Variants in PAX5 observed in about 807,000 individuals in gnomAD.
The protein encoded by PAX5 is paired box protein Pax-5.
A neutral mutation model predicts 43.7 loss-of-function variants in PAX5; 9 were observed. That is an observed-to-expected ratio of 0.21 (90% CI 0.12 to 0.36). The LOEUF (loss-of-function observed/expected upper bound fraction) is 0.36. Ranked by LOEUF, PAX5 falls within the 10% of genes least tolerant of loss-of-function variation. The pLI is 1.00. For synonymous variants in PAX5, 228 were observed against 214.3 expected, an observed-to-expected ratio of 1.06 and a Z score of -0.56; for missense variants, 383 against 532.7, an observed-to-expected ratio of 0.72 and a Z score of 2.77.
intron 9 of PAX5, among the ~76,000 whole-genome samples, chr9:36,841,785 G>A (rs568962564): frequency 5.9e-5 from 9 of 152,330 alleles, no homozygotes; most frequent in African/African-American, 1.4e-4. Context: ...CTGGGGGCAG[G>A]GCTGGGCAAT....
At chr9:36,886,678 AT>A (rs78532154) in intron 7 of PAX5, among the ~76,000 whole-genome samples, 23 of 151,296 alleles carry the variant, frequency 1.5e-4, no homozygotes, top group Admixed American at 3.3e-4. Flanking sequence ...CATTTCTTTC[AT>A]TTTTTTTTAA....
intron 5 of PAX5, among the ~76,000 whole-genome samples, chr9:37,000,963 G>A (rs1038542715): frequency 4.6e-5 from 7 of 152,218 alleles, no homozygotes; most frequent in African/African-American, 1.7e-4. Context: ...GTTCCCAGAT[G>A]CTGTATCAGA....
chr9:36,891,906 C>T (rs10738980), intron 7 of PAX5, among the ~76,000 whole-genome samples: 129,980 of 152,140 alleles, frequency 0.85, 56,232 homozygotes, highest in East Asian at 0.93. Flanking sequence ...ACCCTCCTCA[C>T]TCCTTCCTCT....
intron 4 of PAX5, 111 bp downstream of exon 4, chr9:37,006,362 G>C: frequency 1.4e-6 from 1 of 718,368 alleles, no homozygotes; most frequent in Non-Finnish European, 2.4e-6. Flanking sequence ...GCATTAGTAC[G>C]TGTGCTGAAG....
intron 6 of PAX5, among the ~76,000 whole-genome samples, chr9:36,931,326 G>A (rs1420086159): frequency 6.6e-6 from 1 of 152,226 alleles, no homozygotes; most frequent in African/African-American, 2.4e-5. Flanking sequence ...CCACCTGTCT[G>A]AGGACCTTCA....
intron 3 of PAX5, among the ~76,000 whole-genome samples, chr9:37,014,771 G>A (rs1459872490): frequency 7.2e-5 from 11 of 152,170 alleles, no homozygotes; most frequent in African/African-American, 2.4e-4. Context: ...CGGCCAGGGT[G>A]TTGGCATGCT....
intron 6 of PAX5, among the ~76,000 whole-genome samples, chr9:36,932,388 A>G (rs1012315069): frequency 6.6e-6 from 1 of 152,272 alleles, no homozygotes. Context: ...TATCTACACA[A>G]TGGAATACTA....
chr9:36,952,728 T>TTCAA (rs1222210325), intron 6 of PAX5, among the ~76,000 whole-genome samples: 1 of 152,220 alleles, frequency 6.6e-6, no homozygotes, highest in East Asian at 1.9e-4. Context: ...ACTATTCCTC[T>TTCAA]TCAATCATGT....
intron 3 of PAX5, 103 bp from the exon 4 acceptor site, chr9:37,006,640 C>T: frequency 6.6e-6 from 6 of 914,724 alleles, no homozygotes; most frequent in South Asian, 5.4e-5. Context: ...CCAAGCTGGG[C>T]CATGGTTCGA....
chr9:37,002,724 G>T lies in PAX5; in HGVS notation c.528C>A (p.Gly176=). Residue 176 remains glycine, a synonymous_variant, in exon 5 of 10, where the codon GGC becomes GGA. Coordinates refer to ENST00000358127, the MANE Select transcript of PAX5 (RefSeq NM_016734.3). The part of the protein sequence containing the change: ...QVSSVSTDSA[G]SSYSISGILG... ...GGATGCCGCTGATGGAGTACGACGA[G>T]CCGGCCGAATCCGTGCTCACCGAGG... The T allele has an allele frequency of 6.2e-7, 1 of 1,610,718 alleles. No individual in the cohort carries two copies.
At chr9:36,880,004 G>A (rs1431272349) in intron 8 of PAX5, among the ~76,000 whole-genome samples, 1 of 152,258 alleles carries the variant, frequency 6.6e-6, no homozygotes, top group Non-Finnish European at 1.5e-5. Flanking sequence ...AGTACACACG[G>A]AGGCCGTTTC....
At chr9:36,884,937 C>G (rs142215118) in intron 7 of PAX5, among the ~76,000 whole-genome samples, 60 of 152,344 alleles carry the variant, frequency 3.9e-4, no homozygotes, top group Non-Finnish European at 4.9e-4. Context: ...CGCATGCACT[C>G]TACACATCAC....
intron 1 of PAX5, among the ~76,000 whole-genome samples, chr9:37,033,693 T>G (rs1348270686): frequency 6.6e-6 from 1 of 151,828 alleles, no homozygotes. Flanking sequence ...TATACTGTAA[T>G]GAACACACTG....
rs550377992 is a variant in PAX5, at chr9:36,882,884, C to T, written c.911-779G>A. ...GTCCATGTGTCTCTCAGCTGGGACA[C>T]TGTCACCATCACTGATTGGCTCCAT... On this transcript the variant is annotated intron_variant, in intron 7 of 9. Transcript: ENST00000358127. The surrounding 1 kb of genome is among the most constrained non-coding windows in gnomAD (Gnocchi z 4.4). Among the ~76,000 whole-genome samples, 1 of 152,374 alleles carries T rather than the reference C, an allele frequency of 6.6e-6. No individual in the cohort carries two copies. The highest frequency in any genetic ancestry group is 2.4e-5 in the African/African-American group (1 of 41,588).
intron 5 of PAX5, among the ~76,000 whole-genome samples, chr9:36,988,487 C>G (rs942897614): frequency 6.6e-6 from 1 of 151,962 alleles, no homozygotes; most frequent in East Asian, 1.9e-4. Flanking sequence ...AAAGCGAGAT[C>G]TTGTCTTGAC....
chr9:36,875,597 G>C (rs1194078540), intron 8 of PAX5, among the ~76,000 whole-genome samples: 4 of 152,136 alleles, frequency 2.6e-5, no homozygotes, highest in Non-Finnish European at 5.9e-5. Context: ...GATTATGTCG[G>C]ATTACATGGC....
At chr9:37,018,054 G>A (rs550751434) in intron 2 of PAX5, among the ~76,000 whole-genome samples, 39 of 152,274 alleles carry the variant, frequency 2.6e-4, no homozygotes, top group African/African-American at 8.9e-4. Context: ...CTCTCTGTGT[G>A]ATCTTGGCCA....
chr9:36,955,606 A>C (rs1292168422), intron 6 of PAX5, among the ~76,000 whole-genome samples: 1 of 151,774 alleles, frequency 6.6e-6, no homozygotes, highest in Non-Finnish European at 1.5e-5. Context: ...CTAAGACTAC[A>C]TCTTTTGTCT....
intron 5 of PAX5, among the ~76,000 whole-genome samples, chr9:37,001,674 C>A (rs967103923): frequency 6.6e-6 from 1 of 152,222 alleles, no homozygotes; most frequent in African/African-American, 2.4e-5. Context: ...AGTTACAGAT[C>A]TTAAGTACTT....
Sources: gnomAD v4.1 joint callset for allele counts (sites outside exome capture counted in the v4.1 genomes callset) on GRCh38, gnomAD v4.1.1 for gene constraint, Gnocchi (gnomAD v3.1) non-coding constraint, MANE v1.5 for transcripts, NCBI Gene and HGNC (gene_info 2026-07-23, HGNC 2026-07-21) for gene names.